Variants in PTPRM observed in about 807,000 individuals in gnomAD.
PTPRM encodes receptor-type tyrosine-protein phosphatase mu.
PTPRM carries 47 observed loss-of-function variants against 186.7 expected under a neutral mutation model. The ratio of observed to expected loss-of-function variants is 0.25; its 90% CI spans 0.20 to 0.32. PTPRM has a LOEUF of 0.32. Among genes scored for constraint, PTPRM ranks in the 10% least tolerant of loss-of-function variants. The probability of loss-of-function intolerance (pLI) is 1.00; values close to 1 mark genes in which losing one functional copy is unlikely to be tolerated. For synonymous variants in PTPRM, 668 were observed against 674.9 expected (o/e 0.99, Z 0.16); for missense variants, 1,494 against 1,865.0 (o/e 0.80, Z 3.66).
chr18:7,573,210 G>A (rs2036604153), intron 1 of PTPRM, among the ~76,000 whole-genome samples: 1 of 152,210 alleles, frequency 6.6e-6, no homozygotes, highest in South Asian at 2.1e-4. Context: ...TCTTAGCAAG[G>A]GAGGGTCACT....
chr18:7,581,451 T>C lies in PTPRM; in HGVS notation c.73+13560T>C, dbSNP rs140316013. On this transcript the variant is annotated intron_variant, in intron 1 of 32. Transcript: ENST00000580170. The stretch of plus-strand genomic sequence containing the variant: ...AGCAAACTGCCAGAGCATTCATCTA[T>C]GCAGTCGATGCTTGTTTCTGGGTCT... Among the ~76,000 whole-genome samples the C allele has an allele frequency of 1.5e-3, 232 of 152,338 alleles. 1 individual carries two copies. The highest frequency in any genetic ancestry group is 5.5e-3 in the African/African-American group (229 of 41,584).
At chr18:7,573,471 G>C (rs750224025) in intron 1 of PTPRM, among the ~76,000 whole-genome samples, 4 of 152,206 alleles carry the variant, frequency 2.6e-5, no homozygotes, top group Non-Finnish European at 5.9e-5. Context: ...GGGCCCAGCT[G>C]TGGTGATTCT....
At chr18:7,714,865 G>A (rs1055549507) in intron 1 of PTPRM, among the ~76,000 whole-genome samples, 47 of 152,234 alleles carry the variant, frequency 3.1e-4, no homozygotes, top group African/African-American at 9.4e-4. Flanking sequence ...TGAAATTGAG[G>A]CAGTAATTAA....
rs549265924 is a variant in PTPRM, at chr18:8,346,138, G to A, written c.3054+2618G>A. Among the ~76,000 whole-genome samples the A allele has an allele frequency of 7.9e-5, 12 of 152,332 alleles. No homozygotes were observed. In the East Asian group the frequency reaches 1.9e-3, roughly 24 times the overall value. On this transcript the variant is annotated intron_variant, in intron 23 of 32. Transcript: ENST00000580170. ...CTGGTGAGGAGGCTACTGAGGCAGG[G>A]AGGACCACCAGCCCGGCCTAGAAGA...
intron 7 of PTPRM, among the ~76,000 whole-genome samples, chr18:7,989,777 C>T (rs1256446585): frequency 6.6e-6 from 1 of 152,322 alleles, no homozygotes; most frequent in East Asian, 1.9e-4. Context: ...TATTCACTGG[C>T]CACCATCTGC....
intron 2 of PTPRM, among the ~76,000 whole-genome samples, chr18:7,800,251 G>A (rs1426065285): frequency 6.6e-6 from 1 of 152,128 alleles, no homozygotes; most frequent in East Asian, 1.9e-4. Flanking sequence ...GTCATTTTTG[G>A]TCATGGTGGA....
At chr18:8,380,563 TG>T in intron 29 of PTPRM, 136 bp downstream of exon 29, 2 of 1,042,298 alleles carry the variant, frequency 1.9e-6, no homozygotes, top group Non-Finnish European at 2.8e-6. Context: ...GAACTGGGGA[TG>T]CTGAACACAA....
chr18:7,917,632 G>A (rs1049958144), intron 4 of PTPRM, among the ~76,000 whole-genome samples: 7 of 152,170 alleles, frequency 4.6e-5, no homozygotes, highest in African/African-American at 1.4e-4. Context: ...AAAAATGGAA[G>A]CAGTGTAACT....
chr18:8,064,074 G>A (rs2088852554), intron 7 of PTPRM, among the ~76,000 whole-genome samples: 2 of 152,104 alleles, frequency 1.3e-5, no homozygotes, highest in South Asian at 4.1e-4. Context: ...CTGAATGTTT[G>A]CCATAACATG....
At chr18:8,284,961 C>A (rs1258773616) in intron 19 of PTPRM, among the ~76,000 whole-genome samples, 1 of 152,190 alleles carries the variant, frequency 6.6e-6, no homozygotes, top group Non-Finnish European at 1.5e-5. Flanking sequence ...TATTTTTCCT[C>A]ATACAGAGCT....
At chr18:8,029,203 C>T (rs1345466283) in intron 7 of PTPRM, among the ~76,000 whole-genome samples, 1 of 151,340 alleles carries the variant, frequency 6.6e-6, no homozygotes, top group Non-Finnish European at 1.5e-5. Context: ...GCCTCTCCTC[C>T]ACCTGTCCTG....
intron 14 of PTPRM, among the ~76,000 whole-genome samples, chr18:8,227,669 G>A (rs1227036402): frequency 6.6e-6 from 1 of 152,174 alleles, no homozygotes; most frequent in African/African-American, 2.4e-5. Flanking sequence ...GGAAAGTGGA[G>A]GTAGTGTTCC....
chr18:8,161,357 G>A (rs568161478), intron 14 of PTPRM, among the ~76,000 whole-genome samples: 1 of 152,172 alleles, frequency 6.6e-6, no homozygotes, highest in South Asian at 2.1e-4. Context: ...GATCCTAAAG[G>A]TCATAGAAGG....
intron 20 of PTPRM, among the ~76,000 whole-genome samples, chr18:8,300,179 C>T (rs2147910302): frequency 6.6e-6 from 1 of 152,234 alleles, no homozygotes; most frequent in South Asian, 2.1e-4. Flanking sequence ...GTTGTGAGGA[C>T]ACCACTGGGG....
At chr18:7,643,381 C>G (rs764641121) in intron 1 of PTPRM, among the ~76,000 whole-genome samples, 3 of 151,972 alleles carry the variant, frequency 2.0e-5, no homozygotes, top group Non-Finnish European at 2.9e-5. Flanking sequence ...GCTCTGTTGA[C>G]CAGGCTGGAG....
intron 7 of PTPRM, among the ~76,000 whole-genome samples, chr18:8,034,904 T>G (rs2086224586): frequency 6.6e-6 from 1 of 152,182 alleles, no homozygotes; most frequent in African/African-American, 2.4e-5. Flanking sequence ...CCTGTGTATG[T>G]TAGAGGATCC....
chr18:7,597,892 C>G (rs1424941613), intron 1 of PTPRM, among the ~76,000 whole-genome samples: 1 of 152,052 alleles, frequency 6.6e-6, no homozygotes, highest in African/African-American at 2.4e-5. Context: ...TAAAACTATC[C>G]AGATATGGAC....
At chr18:7,941,105 T>C (rs1037377520) in intron 5 of PTPRM, among the ~76,000 whole-genome samples, 4 of 152,212 alleles carry the variant, frequency 2.6e-5, no homozygotes, top group Non-Finnish European at 5.9e-5. Context: ...CTTTTCATGC[T>C]GGAAGATGGT....
chr18:8,043,543 A>T (rs1747282309), intron 7 of PTPRM, among the ~76,000 whole-genome samples: 1 of 151,568 alleles, frequency 6.6e-6, no homozygotes, highest in African/African-American at 2.4e-5. Flanking sequence ...TGTTTTTTTG[A>T]GGTATGCTAG....
Sources: allele counts gnomAD v4.1 joint callset (sites outside exome capture counted in the v4.1 genomes callset), GRCh38; gene constraint gnomAD v4.1.1; transcripts MANE v1.5; gene names NCBI Gene and HGNC (gene_info 2026-07-23, HGNC 2026-07-21).